The following MTFR1 variants were observed in gnomAD, a reference collection of about 807,000 sequenced individuals.
The protein encoded by MTFR1 is mitochondrial fission regulator 1, also known as chondrocyte protein with a poly-proline region.
A neutral mutation model predicts 38.8 loss-of-function variants in MTFR1; 28 were observed. The ratio of observed to expected loss-of-function variants is 0.72; its 90% CI spans 0.53 to 0.99. MTFR1 has a LOEUF of 0.99. Among genes scored for constraint, MTFR1 ranks in the 50% least tolerant of loss-of-function variants. The probability of loss-of-function intolerance (pLI) is 0.00; values close to 1 mark genes in which losing one functional copy is unlikely to be tolerated. For missense variants in MTFR1, 358 were observed against 395.5 expected (o/e 0.91, Z 0.81); for synonymous variants, 145 against 137.0 (o/e 1.06, Z -0.41).
At chr8:65,650,505 G>A (rs1809094355) in intron 1 of MTFR1, among the ~76,000 whole-genome samples, 1 of 152,112 alleles carries the variant, frequency 6.6e-6, no homozygotes, top group Non-Finnish European at 1.5e-5. Flanking sequence ...CATGAGTTAA[G>A]TTGTTTTAAT....
Position 65,672,031 on chromosome 8 carries a change from A to G in MTFR1, c.66+2013A>G, listed in dbSNP as rs919471213. 7.9e-5 allele frequency among the ~76,000 whole-genome samples: 12 copies of G among 152,330 alleles called. No individual in the cohort carries two copies. In the East Asian group the frequency reaches 1.2e-3, roughly 15 times the overall value. On this transcript the variant is annotated intron_variant, in intron 2 of 7. Coordinates refer to ENST00000262146, the MANE Select transcript of MTFR1 (RefSeq NM_014637.4). Reference sequence around the variant, plus strand: ...GAATTCTGTTTCAGGCACAGATAGCACGCTTTATTTAGCTTGTTCACTTTA... The same window carrying G: ...GAATTCTGTTTCAGGCACAGATAGCGCGCTTTATTTAGCTTGTTCACTTTA...
chr8:65,673,190 C>G (rs1465254753), intron 2 of MTFR1, among the ~76,000 whole-genome samples: 1 of 152,094 alleles, frequency 6.6e-6, no homozygotes, highest in Non-Finnish European at 1.5e-5. Flanking sequence ...GTTAAACTGG[C>G]CTAATTCCAG....
In MTFR1 at chr8:65,704,741, T is replaced by C. The variant is rs1215118021; in HGVS notation, c.329T>C (p.Phe110Ser). 4 of 1,614,044 alleles carry C rather than the reference T, an allele frequency of 2.5e-6. No individual in the cohort carries two copies. The Admixed American group carries it at 5.0e-5, about 20-fold the overall frequency. Residue 110 changes from phenylalanine (F) to serine (S), a missense_variant, in exon 5 of 8, where the codon TTT (phenylalanine) becomes TCT (serine). Physicochemically the swap from Phe to Ser is radical, Grantham distance 155. Coordinates refer to ENST00000262146, the MANE Select transcript of MTFR1 (RefSeq NM_014637.4). Reference sequence around the variant, plus strand: ...CCCCTTCAGGATGACCTTCTTTTCTTTGAGAAGGCCCCAAGCAGACAGATT... The same window carrying C: ...CCCCTTCAGGATGACCTTCTTTTCTCTGAGAAGGCCCCAAGCAGACAGATT... ...RPPLQDDLLF[F>S]EKAPSRQISL...
At chr8:65,701,300 T>G (rs1805606639) in intron 4 of MTFR1, among the ~76,000 whole-genome samples, 1 of 152,240 alleles carries the variant, frequency 6.6e-6, no homozygotes, top group Non-Finnish European at 1.5e-5. Flanking sequence ...TTTATAAGTC[T>G]TTGGATAAAT....
chr8:65,713,485 A>ACACACACACACAC (rs1169373621), downstream of MTFR1, among the ~76,000 whole-genome samples: 76 of 119,514 alleles, frequency 6.4e-4, no homozygotes, highest in African/African-American at 1.8e-3. Context: ...CACACACACA[A>ACACACACACACAC]ACAAAACAAA....
the MTFR1 span, among the ~76,000 whole-genome samples, chr8:65,778,559 G>A: frequency 0.024 from 3,588 of 152,168 alleles, 66 homozygotes; most frequent in African/African-American, 0.055. Flanking sequence ...CCTGATTCTC[G>A]GAATCATGAG....
chr8:65,736,513 GAGGCT>G (rs1807132328), intron 3 of MTFR1, among the ~76,000 whole-genome samples: 1 of 152,140 alleles, frequency 6.6e-6, no homozygotes, highest in Admixed American at 6.5e-5. Context: ...AGCACTTTGG[GAGGCT>G]GAGGCTGGAG....
intron 4 of MTFR1, 40 bp downstream of exon 4, chr8:65,693,799 A>AT (rs1563452175): frequency 1.4e-6 from 2 of 1,452,252 alleles, no homozygotes; most frequent in African/African-American, 1.4e-5. Flanking sequence ...TGCAATATCT[A>AT]TTTTTTTAAA....
downstream of MTFR1, among the ~76,000 whole-genome samples, chr8:65,711,698 G>A (rs1805952540): frequency 6.6e-6 from 1 of 152,152 alleles, no homozygotes; most frequent in Non-Finnish European, 1.5e-5. Context: ...CATCCTTTGA[G>A]GATGGGATAA....
intron 3 of MTFR1, among the ~76,000 whole-genome samples, chr8:65,763,031 GTGTGTGTA>G (rs1259855521): frequency 7.0e-6 from 1 of 142,774 alleles, no homozygotes; most frequent in African/African-American, 2.8e-5. Context: ...GTGTGTGTGT[GTGTGTGTA>G]TAAAATGAAT....
intron 3 of MTFR1, chr8:65,727,065 C>G: frequency 1.0e-6 from 1 of 1,000,994 alleles, no homozygotes; most frequent in Non-Finnish European, 1.6e-6. Context: ...GGTTAAAATT[C>G]TAACATTCAT....
chr8:65,685,171 CT>C (rs1322559425), intron 3 of MTFR1, among the ~76,000 whole-genome samples: 3 of 152,066 alleles, frequency 2.0e-5, no homozygotes, highest in Middle Eastern at 3.2e-3. Context: ...TTTTTTTCCC[CT>C]ATTTTTGTAG....
intron 3 of MTFR1, among the ~76,000 whole-genome samples, chr8:65,742,199 T>C (rs1009495209): frequency 1.3e-5 from 2 of 152,232 alleles, no homozygotes; most frequent in Non-Finnish European, 2.9e-5. Context: ...TAAAAATATA[T>C]CAAAAGATAG....
chr8:65,737,331 C>T (rs1807183097), intron 3 of MTFR1, among the ~76,000 whole-genome samples: 2 of 151,920 alleles, frequency 1.3e-5, no homozygotes, highest in Admixed American at 1.3e-4. Flanking sequence ...TTCATATGAA[C>T]AATGTGCAAA....
chr8:65,760,485 G>A (rs1808435635), intron 3 of MTFR1, among the ~76,000 whole-genome samples: 2 of 152,298 alleles, frequency 1.3e-5, no homozygotes, highest in South Asian at 2.1e-4. Context: ...CAAGGAATAG[G>A]AGTGCACTTC....
chr8:65,645,704 C>A lies in MTFR1; in HGVS notation c.-81+920C>A, dbSNP rs948613307. ...TCACGCCCGGCTTTCCCCCCCCCCC[C>A]CCTTTGTAGAGATGGGGTCTCCTTA... On this transcript the variant is annotated intron_variant, in intron 1 of 7. Coordinates refer to ENST00000262146, the MANE Select transcript of MTFR1 (RefSeq NM_014637.4). Among the ~76,000 whole-genome samples, 17 of 136,650 alleles carry A rather than the reference C, an allele frequency of 1.2e-4. 1 individual carries two copies. Among genetic ancestry groups the A allele is most frequent in the Non-Finnish European group, 2.5e-4 (16 of 63,734 alleles). 89.6% of individuals were successfully genotyped at this position (136,650 alleles called of 152,430 possible).
chr8:65,741,659 C>T (rs768621056), intron 3 of MTFR1, among the ~76,000 whole-genome samples: 1 of 152,176 alleles, frequency 6.6e-6, no homozygotes, highest in Admixed American at 6.5e-5. Context: ...GGTACAAACA[C>T]GAGTCCATGT....
chr8:65,772,860 T>C (rs1016883989), downstream of MTFR1, among the ~76,000 whole-genome samples: 2 of 151,860 alleles, frequency 1.3e-5, no homozygotes, highest in Admixed American at 6.6e-5. Flanking sequence ...AAAAAAAAAT[T>C]AGCCAGGTGT....
intron 3 of MTFR1, among the ~76,000 whole-genome samples, chr8:65,732,300 C>A (rs1233930413): frequency 2.6e-5 from 4 of 151,814 alleles, no homozygotes; most frequent in Non-Finnish European, 5.9e-5. Context: ...TGCCCAGCCA[C>A]TAACATATTA....
Sources: gnomAD v4.1 joint callset for allele counts (sites outside exome capture counted in the v4.1 genomes callset) on GRCh38, gnomAD v4.1.1 for gene constraint, MANE v1.5 for transcripts, NCBI Gene and HGNC (gene_info 2026-07-23, HGNC 2026-07-21) for gene names.